MIDN: variants seen among roughly 807,000 people sequenced by gnomAD.
The protein encoded by MIDN is midbrain nucleolar protein.
A neutral mutation model predicts 46.1 loss-of-function variants in MIDN; 26 were observed. That is an observed-to-expected ratio of 0.56 (90% CI 0.41 to 0.78). MIDN has a LOEUF of 0.78. MIDN is among the 30% of genes least tolerant of loss of function. MIDN has a pLI of 0.00. For missense variants in MIDN, 850 were observed against 771.8 expected (o/e 1.10, Z -1.20); for synonymous variants, 432 against 343.3 (o/e 1.26, Z -2.86).
rs2081171515 is a variant in MIDN at position 1,254,353 on chromosome 19, C to T, written c.700C>T (p.Pro234Ser). The T allele has an allele frequency of 3.8e-6, 6 of 1,562,922 alleles. No individual in the cohort carries two copies. Among genetic ancestry groups the T allele is most frequent in the Admixed American group, 1.8e-5 (1 of 55,492 alleles). The change falls in exon 6 of 9, where the codon CCC (proline) becomes TCC (serine). Residue 234 changes from proline (P) to serine (S), a missense_variant. Pro to Ser is a moderately conservative substitution (Grantham distance 74, BLOSUM62 -1). Transcript: ENST00000682408. ...DPSIASPVSS[P>S]CRPVSSAARV... is the part of the protein sequence containing the mutation. ...CAGCATAGCCTCCCCCGTGTCCTCG[C>T]CCTGCCGGCCGGTGTCCAGTGCCGC...
At chr19:1,253,471 C>T (rs1018058125) in intron 4 of MIDN, among the ~76,000 whole-genome samples, 4 of 150,130 alleles carry the variant, frequency 2.7e-5, no homozygotes, top group Admixed American at 6.7e-5. Flanking sequence ...TGGCCCATAC[C>T]CAGAGCAGGG....
At chr19:1,256,447 A>G (rs2081200076) in intron 8 of MIDN, among the ~76,000 whole-genome samples, 1 of 146,286 alleles carries the variant, frequency 6.8e-6, no homozygotes, top group Admixed American at 7.1e-5. Flanking sequence ...GCGCCACTGC[A>G]CTCCAGCCTG....
Position 1,255,454 on chromosome 19 carries a change from G to C in MIDN, c.1018G>C (p.Gly340Arg). 1 of 1,602,494 alleles carries C rather than the reference G, an allele frequency of 6.2e-7. No individual in the cohort carries two copies. Among genetic ancestry groups the C allele is most frequent in the South Asian group, 1.1e-5 (1 of 89,624 alleles). ...ACACCCCAACTGCCAAGACAGCAGC[G>C]GGCGGCCGCGGCGTGACATCGGCAC... ...TLHPNCQDSS[G>R]RPRRDIGTIL... Residue 340 changes from glycine (G) to arginine (R), a missense_variant, in exon 8 of 9, where the codon GGG becomes CGG. Gly to Arg is a moderately radical substitution (Grantham distance 125). Coordinates refer to ENST00000682408, the MANE Select transcript of MIDN (RefSeq NM_001388306.1).
In MIDN at chr19:1,253,972, C is replaced by T; in HGVS notation, c.403C>T (p.Pro135Ser). ...CCCACAGCCCCCAGCGGCGCCCGGG[C>T]CGGGCCGGGCTGGCGGAGGAGGCTT... ...TETQPPAAPG[P>S]GRAGGGGFRK... is the part of the protein sequence containing the mutation. The change falls in exon 5 of 9, where the codon CCG becomes TCG. Residue 135 changes from proline (P) to serine (S), a missense_variant. Pro to Ser is a moderately conservative substitution (Grantham distance 74). Transcript: ENST00000682408. 7.2e-7 allele frequency: 1 copy of T among 1,393,678 alleles called. No individual in the cohort carries two copies. The highest frequency in any genetic ancestry group is 9.2e-7 in the Non-Finnish European group (1 of 1,081,868). 86.3% of individuals were successfully genotyped at this position (1,393,678 alleles called of 1,614,324 possible).
intron 1 of MIDN, among the ~76,000 whole-genome samples, chr19:1,249,612 G>A (rs1207240984): frequency 6.7e-6 from 1 of 149,256 alleles, no homozygotes; most frequent in Non-Finnish European, 1.5e-5. Context: ...CGGGCGGGGC[G>A]GGGGCGGGCG....
chr19:1,249,771 C>T (rs1338616785), intron 1 of MIDN, 119 bp from the exon 2 acceptor site: 3 of 150,712 alleles, frequency 2.0e-5, no homozygotes, highest in Non-Finnish European at 3.0e-5. Context: ...GCGCTCGGCG[C>T]GCGGCGATTG....
chr19:1,255,986 G>A (rs1260982057), intron 8 of MIDN, among the ~76,000 whole-genome samples: 1 of 152,250 alleles, frequency 6.6e-6, no homozygotes, highest in Non-Finnish European at 1.5e-5. Context: ...GGCCAAGTCA[G>A]GCCTGGCAGG....
At position 1,257,007 on chromosome 19, in the gene MIDN, G is replaced by A. The variant is rs376980746; in HGVS notation, c.1271G>A (p.Arg424Gln). The A allele has an allele frequency of 9.9e-6, 16 of 1,610,170 alleles. No individual in the cohort carries two copies. The Admixed American group carries it at 1.2e-4, about 12-fold the overall frequency. The change falls in exon 9 of 9, where the codon CGG (arginine) becomes CAG (glutamine). Residue 424 changes from arginine to glutamine, a missense_variant. By Grantham distance (43) the Arg-to-Gln change is conservative. Coordinates refer to ENST00000682408, the MANE Select transcript of MIDN (RefSeq NM_001388306.1). ...ACCTCCTTTGCAGGGGACCGGCTTC[G>A]GCAGACAGAAAACCGCGCCACGCGC... is the stretch of plus-strand genomic sequence containing the variant. ...RMCKPPGDRL[R>Q]QTENRATRCK... is the part of the protein sequence containing the mutation.
Position 1,258,988 on chromosome 19 carries a change from G to C in MIDN, c.*1716G>C, listed in dbSNP as rs889906593. The C allele has an allele frequency of 6.6e-6, 1 of 151,940 alleles. No homozygotes were observed. Among genetic ancestry groups the C allele is most frequent in the African/African-American group, 2.4e-5 (1 of 41,362 alleles). 9.4% of individuals were successfully genotyped at this position (151,940 alleles called of 1,614,324 possible). On this transcript the variant is annotated 3_prime_UTR_variant, in exon 9 of 9. Coordinates refer to ENST00000682408, the MANE Select transcript of MIDN (RefSeq NM_001388306.1). Reference sequence around the variant, plus strand: ...GGCTCGCCACCCTCTGCCCGGTAAGGGCTGCCCAAGAAAGCATTACCCGCC... The same window carrying C: ...GGCTCGCCACCCTCTGCCCGGTAAGCGCTGCCCAAGAAAGCATTACCCGCC...
chr19:1,253,044 T>TGGGGGGGGGGGCGG (rs111898804), intron 4 of MIDN, among the ~76,000 whole-genome samples: 1 of 131,748 alleles, frequency 7.6e-6, no homozygotes, highest in Non-Finnish European at 1.6e-5. Flanking sequence ...TGGGGGGGGC[T>TGGGGGGGGGGGCGG]GGAGGGGGTG....
rs907268571 is a variant in MIDN at position 1,258,445 on chromosome 19, C to G, written c.*1173C>G. On this transcript the variant is annotated 3_prime_UTR_variant, in exon 9 of 9. Coordinates refer to ENST00000682408, the MANE Select transcript of MIDN (RefSeq NM_001388306.1). ...GCCCCTGCCCTAGGGGTGTCTGTCT[C>G]CAGAGGGGAGGGACAAATCCCCTAC... 2 of 152,496 alleles carry G rather than the reference C, an allele frequency of 1.3e-5. No individual in the cohort carries two copies. The highest frequency in any genetic ancestry group is 4.8e-5 in the African/African-American group (2 of 41,430). 9.4% of individuals were successfully genotyped at this position (152,496 alleles called of 1,614,324 possible).
chr19:1,255,072 C>T lies in MIDN; in HGVS notation c.985+11C>T. On this transcript the variant is annotated intron_variant, in intron 7 of 8. Transcript: ENST00000682408. ...CAGGGACCTTCTCTGGTAGGTGTCACAGCACATGTGTGAGCTCACGTGTGT... is the reference window on the plus strand; with the variant it reads ...CAGGGACCTTCTCTGGTAGGTGTCATAGCACATGTGTGAGCTCACGTGTGT... 1.2e-6 allele frequency: 2 copies of T among 1,609,658 alleles called. No individual in the cohort carries two copies. The highest frequency in any genetic ancestry group is 8.5e-7 in the Non-Finnish European group (1 of 1,177,204).
chr19:1,256,682 T>C (rs2081203051), intron 8 of MIDN, among the ~76,000 whole-genome samples: 1 of 152,010 alleles, frequency 6.6e-6, no homozygotes, highest in Admixed American at 6.5e-5. Flanking sequence ...CCCAGCTAAT[T>C]TTGTAATTTT....
At chr19:1,254,873 CGTGCTCAT>C (rs1314263160) in intron 6 of MIDN, 21 bp from the exon 7 acceptor site, 2 of 1,580,898 alleles carry the variant, frequency 1.3e-6, no homozygotes, top group Non-Finnish European at 1.7e-6. Flanking sequence ...TCCTGGACCC[CGTGCTCAT>C]GTGCCCCTTC....
rs2081237158 is a variant in MIDN at position 1,259,123 on chromosome 19, A to G, written c.*1851A>G. On this transcript the variant is annotated 3_prime_UTR_variant, in exon 9 of 9. Transcript: ENST00000682408. ...TACACGAGCACCGTGATTTCAAGTA[A>G]TAAACAGAAAATGAAACACACATTG... 6.6e-6 allele frequency: 1 copy of G among 151,816 alleles called. No homozygotes were observed. Among genetic ancestry groups the G allele is most frequent in the Non-Finnish European group, 1.5e-5 (1 of 67,972 alleles). The allele number at this position is 151,816 out of a possible 1,614,324, so 9.4% of individuals were successfully genotyped here.
At position 1,251,271 on chromosome 19, in the gene MIDN, C is replaced by G. The variant is rs1308701324; in HGVS notation, c.234-291C>G. ...GTGGGGGAAGGTGGCATAGAGCACA[C>G]TGGGGCCCAGAGGAGGAGAAAGTGC... On this transcript the variant is annotated intron_variant, in intron 2 of 8. Transcript: ENST00000682408. The G allele has an allele frequency of 3.2e-5, 14 of 438,970 alleles. 1 individual carries two copies. The highest frequency in any genetic ancestry group is 6.1e-4 in the Middle Eastern group (1 of 1,652). The allele number at this position is 438,970 out of a possible 1,614,324, so 27.2% of individuals were successfully genotyped here.
chr19:1,252,525 G>A (rs2081144067), intron 4 of MIDN, among the ~76,000 whole-genome samples: 1 of 152,154 alleles, frequency 6.6e-6, no homozygotes, highest in Admixed American at 6.5e-5. Context: ...CCCTCACCCG[G>A]TTCCCGGTTT....
At chr19:1,251,704 C>G (rs1045803162) in intron 3 of MIDN, 55 bp downstream of exon 3, 2 of 1,555,830 alleles carry the variant, frequency 1.3e-6, no homozygotes, top group African/African-American at 1.4e-5. Flanking sequence ...AGGCAGTAGC[C>G]CCTCCCTCGG....
rs753084988 is a variant in MIDN, at chr19:1,255,688, C to T, written c.1252C>T (p.Pro418Ser). Reference protein sequence around the residue: ...QGQSQIRMCKPPGDRLRQTEN... With the variant: ...QGQSQIRMCKSPGDRLRQTEN... The stretch of plus-strand genomic sequence containing the variant: ...CCAGAGCCAGATCCGCATGTGCAAG[C>T]CCCCGGGTGAGTGGCCACCCTCGGG... The change falls in exon 8 of 9, where the codon CCC (proline) becomes TCC (serine). Residue 418 changes from proline to serine, a missense_variant. Coordinates refer to ENST00000682408, the MANE Select transcript of MIDN (RefSeq NM_001388306.1). The T allele has an allele frequency of 6.4e-7, 1 of 1,573,134 alleles. No individual in the cohort carries two copies. The highest frequency in any genetic ancestry group is 8.6e-7 in the Non-Finnish European group (1 of 1,162,978).
Sources: allele counts gnomAD v4.1 joint callset (sites outside exome capture counted in the v4.1 genomes callset), GRCh38; gene constraint gnomAD v4.1.1; transcripts MANE v1.5; gene names NCBI Gene and HGNC (gene_info 2026-07-23, HGNC 2026-07-21).